The following ANAPC1 variants were observed in gnomAD, a reference collection of about 807,000 sequenced individuals.
The protein encoded by ANAPC1 is anaphase-promoting complex subunit 1.
In ANAPC1, 36 loss-of-function variants were observed where a neutral mutation model predicts 208.0. The ratio of observed to expected loss-of-function variants is 0.17; its 90% confidence interval spans 0.13 to 0.23. The LOEUF is 0.23. Ranked by LOEUF, ANAPC1 falls within the 10% of genes least tolerant of loss-of-function variation. The probability of loss-of-function intolerance (pLI) is 1.00; values close to 1 mark genes in which losing one functional copy is unlikely to be tolerated. For missense variants in ANAPC1, 942 were observed against 2,011.6 expected, an observed-to-expected ratio of 0.47 and a Z score of 10.17; for synonymous variants, 378 against 695.2, an observed-to-expected ratio of 0.54 and a Z score of 7.18.
intron 46 of ANAPC1, among the ~76,000 whole-genome samples, chr2:111,775,189 C>T (rs1275991344): frequency 3.3e-5 from 5 of 152,192 alleles, no homozygotes; most frequent in Non-Finnish European, 7.3e-5. Flanking sequence ...TCGCTTGAAC[C>T]CAGGAGGTGG....
intron 21 of ANAPC1, among the ~76,000 whole-genome samples, chr2:111,827,974 A>AT (rs1679928125): frequency 2.6e-5 from 4 of 152,200 alleles, no homozygotes; most frequent in Admixed American, 1.3e-4. Context: ...CTGAGCACTC[A>AT]TGACAGTTTT....
chr2:111,847,129 C>G lies in ANAPC1; in HGVS notation c.1852+9G>C, dbSNP rs1227545021. On this transcript the variant is annotated intron_variant, in intron 16 of 47. Coordinates refer to ENST00000341068, the MANE Select transcript of ANAPC1 (RefSeq NM_022662.4). ...TTCATGTCTTATAAATGAAACTTCTCAATCGTACCTAACTCAGAGGTGGCA... is the reference window on the plus strand; with the variant it reads ...TTCATGTCTTATAAATGAAACTTCTGAATCGTACCTAACTCAGAGGTGGCA... 4 of 1,598,480 alleles carry G rather than the reference C, an allele frequency of 2.5e-6. No individual in the cohort carries two copies. The Admixed American group carries it at 6.7e-5, about 27-fold the overall frequency.
chr2:111,839,103 G>A (rs1217771104), intron 17 of ANAPC1, among the ~76,000 whole-genome samples: 1 of 152,040 alleles, frequency 6.6e-6, no homozygotes, highest in Non-Finnish European at 1.5e-5. Context: ...TCACTTCCAG[G>A]ACCAGTCCAG....
intron 34 of ANAPC1, among the ~76,000 whole-genome samples, chr2:111,798,209 G>A (rs1164992676): frequency 1.3e-5 from 2 of 149,096 alleles, no homozygotes; most frequent in Non-Finnish European, 3.0e-5. Context: ...GGATAAAGAC[G>A]TGCACCAAGA....
chr2:111,864,693 C>T, intron 8 of ANAPC1, 113 bp downstream of exon 8: 1 of 1,551,298 alleles, frequency 6.4e-7, no homozygotes, highest in Admixed American at 1.8e-5. Flanking sequence ...AACGTCCTGA[C>T]CTCAAGTGAT....
At position 111,782,404 on chromosome 2, in the gene ANAPC1, C is replaced by T. The variant is rs1325435144; in HGVS notation, c.5167G>A (p.Val1723Ile). Residue 1723 changes from valine (V) to isoleucine (I), a missense_variant, in exon 43 of 48, where the codon GTT becomes ATT. Coordinates refer to ENST00000341068, the MANE Select transcript of ANAPC1 (RefSeq NM_022662.4). ...MGWQSLLAQT[V>I]ANRNSEARAF... ...CGGGCTTCAGAGTTCCTGTTAGCAA[C>T]AGTCTGAGCCAACAAACTTTGCCAT... 1 of 1,612,896 alleles carries T rather than the reference C, an allele frequency of 6.2e-7. No individual in the cohort carries two copies. The highest frequency in any genetic ancestry group is 1.1e-5 in the South Asian group (1 of 91,018).
intron 46 of ANAPC1, among the ~76,000 whole-genome samples, chr2:111,774,114 G>A (rs71265190): frequency 0.16 from 24,711 of 151,256 alleles, 1,807 homozygotes; most frequent in Middle Eastern, 0.27. Context: ...CTATGATGAG[G>A]ATTGAAAGGC....
At chr2:111,835,710 G>A (rs1245401749) in intron 18 of ANAPC1, among the ~76,000 whole-genome samples, 22 of 152,010 alleles carry the variant, frequency 1.4e-4, no homozygotes, top group Non-Finnish European at 2.1e-4. Flanking sequence ...GTGTGGTGGC[G>A]GGCGCCTGTT....
At chr2:111,827,585 T>C (rs1386485767) in intron 21 of ANAPC1, among the ~76,000 whole-genome samples, 6 of 152,008 alleles carry the variant, frequency 3.9e-5, no homozygotes, top group Non-Finnish European at 7.4e-5. Context: ...CAAAACCCCA[T>C]CTCTACTAAA....
In ANAPC1 at chr2:111,784,465, C is replaced by T. The variant is rs200140085; in HGVS notation, c.4918-65G>A. On this transcript the variant is annotated intron_variant, in intron 40 of 47. Coordinates refer to ENST00000341068, the MANE Select transcript of ANAPC1 (RefSeq NM_022662.4). The stretch of plus-strand genomic sequence containing the variant: ...GTCAGTGGAAACAACAAAGAAGAAA[C>T]ATCTCCACGCTATACCTCCCCCTAT... 8,081 of 1,577,044 alleles carry T rather than the reference C, an allele frequency of 5.1e-3. 127 individuals are homozygous for T. In the East Asian group the frequency reaches 0.078, roughly 15 times the overall value.
intron 13 of ANAPC1, among the ~76,000 whole-genome samples, chr2:111,855,543 C>T (rs1300540263): frequency 6.6e-6 from 1 of 152,172 alleles, no homozygotes; most frequent in African/African-American, 2.4e-5. Context: ...GTAAACAACA[C>T]ACGCATCAAC....
chr2:111,847,265 T>A, intron 15 of ANAPC1, 67 bp from the exon 16 acceptor site: 2 of 1,139,300 alleles, frequency 1.8e-6, no homozygotes, highest in South Asian at 2.8e-5. Context: ...GTCTTAAAAA[T>A]AGCTGGTACA....
chr2:111,769,635 A>AT (rs1323393072), intron 47 of ANAPC1, among the ~76,000 whole-genome samples: 3 of 142,428 alleles, frequency 2.1e-5, no homozygotes, highest in African/African-American at 5.2e-5. Context: ...TGGATTCTGG[A>AT]TTTTTTTAGA....
chr2:111,858,965 T>TG (rs1681900993), intron 10 of ANAPC1, among the ~76,000 whole-genome samples: 5 of 152,258 alleles, frequency 3.3e-5, no homozygotes, highest in Admixed American at 3.3e-4. Flanking sequence ...CAATTACTGA[T>TG]GAACTTTTAA....
intron 10 of ANAPC1, among the ~76,000 whole-genome samples, chr2:111,861,290 G>A (rs572812843): frequency 6.6e-6 from 1 of 152,268 alleles, no homozygotes; most frequent in African/African-American, 2.4e-5. Flanking sequence ...TGGGCAGGTT[G>A]GTCTTGAACT....
intron 18 of ANAPC1, among the ~76,000 whole-genome samples, chr2:111,837,988 G>C (rs189328545): frequency 1.6e-4 from 24 of 150,488 alleles, no homozygotes; most frequent in Non-Finnish European, 2.5e-4. Context: ...AGGAGGCTGA[G>C]GCAGGAGAAC....
rs533087687 is a variant in ANAPC1, at chr2:111,827,187, G to T, written c.2626-1332C>A. On this transcript the variant is annotated intron_variant, in intron 21 of 47. Coordinates refer to ENST00000341068, the MANE Select transcript of ANAPC1 (RefSeq NM_022662.4). The stretch of plus-strand genomic sequence containing the variant: ...ATAGTGCTCTCTCACTATCTAAGAA[G>T]TATCTAGTAGTACAGAGCTGTAGTG... 4.6e-5 allele frequency among the ~76,000 whole-genome samples: 7 copies of T among 152,200 alleles called. No homozygotes were observed. The South Asian group carries it at 6.2e-4, about 14-fold the overall frequency.
intron 29 of ANAPC1, among the ~76,000 whole-genome samples, chr2:111,806,702 C>T (rs1008508677): frequency 2.0e-5 from 3 of 148,590 alleles, no homozygotes; most frequent in Non-Finnish European, 3.0e-5. Flanking sequence ...TAATAATGAG[C>T]CCTACTATGG....
At chr2:111,821,479 A>G (rs1679531255) in intron 25 of ANAPC1, 26 bp from the exon 26 acceptor site, 2 of 1,439,670 alleles carry the variant, frequency 1.4e-6, no homozygotes, top group Non-Finnish European at 1.9e-6. Context: ...TATTGTAATA[A>G]TAATTTCAAA....
Sources: allele counts gnomAD v4.1 joint callset (sites outside exome capture counted in the v4.1 genomes callset), GRCh38; gene constraint gnomAD v4.1.1; transcripts MANE v1.5; gene names NCBI Gene and HGNC (gene_info 2026-07-23, HGNC 2026-07-21).